The following CELA3B variants were observed in gnomAD, a reference collection of about 807,000 sequenced individuals.
CELA3B encodes the protein chymotrypsin like elastase 3B.
In CELA3B, 34 loss-of-function variants were observed where a neutral mutation model predicts 37.2. That is an observed-to-expected ratio of 0.91 (90% CI 0.70 to 1.22). CELA3B has a LOEUF of 1.22. Among genes scored for constraint, CELA3B ranks in the 50% most tolerant of loss-of-function variants. CELA3B has a pLI of 0.00. For missense variants in CELA3B, 340 were observed against 363.1 expected (o/e 0.94, Z 0.52); for synonymous variants, 127 against 143.5 (o/e 0.89, Z 0.82).
intron 7 of CELA3B, among the ~76,000 whole-genome samples, chr1:21,988,736 A>G (rs1456674191): frequency 2.6e-5 from 4 of 151,740 alleles, no homozygotes; most frequent in Non-Finnish European, 4.4e-5. Flanking sequence ...CTAAAAATAC[A>G]AAAATTAGCC....
chr1:21,978,272 C>T (rs1644782983), intron 1 of CELA3B, 97 bp from the exon 2 acceptor site: 1 of 1,368,026 alleles, frequency 7.3e-7, no homozygotes, highest in African/African-American at 1.4e-5. Context: ...CATGGGGTCA[C>T]ACAGCCACTT....
At chr1:21,983,597 G>A (rs1355590496) in intron 4 of CELA3B, 97 bp from the exon 5 acceptor site, 1 of 1,530,790 alleles carries the variant, frequency 6.5e-7, no homozygotes, top group East Asian at 2.3e-5. Context: ...GAAGGAGCTG[G>A]GGCATCTCAG....
At chr1:21,979,424 A>G (rs868045004) in intron 2 of CELA3B, among the ~76,000 whole-genome samples, 21 of 146,630 alleles carry the variant, frequency 1.4e-4, no homozygotes, top group Non-Finnish European at 3.0e-4. Context: ...AGTGCTTGCC[A>G]TATTTCTTTT....
chr1:21,978,987 C>T (rs889240913), intron 2 of CELA3B, among the ~76,000 whole-genome samples: 5 of 149,706 alleles, frequency 3.3e-5, no homozygotes, highest in Middle Eastern at 3.4e-3. Context: ...GTGGAGGTTG[C>T]AGTGAGATGA....
At position 21,979,053 on chromosome 1, in the gene CELA3B, A is replaced by AAG. The variant is rs111548907; in HGVS notation, c.129+600_129+601insGA. Among the ~76,000 whole-genome samples the AAG allele has an allele frequency of 5.8e-4, 87 of 150,912 alleles. 3 individuals are homozygous for AAG. Among genetic ancestry groups the AAG allele is most frequent in the African/African-American group, 2.0e-3 (84 of 41,156 alleles). ...ACAGAGTGAGACTCTGTCTCAAAAA[A>AAG]AAATTAAATTAAATTATTATGACTA... On this transcript the variant is annotated intron_variant, in intron 2 of 7. Coordinates refer to ENST00000337107, the MANE Select transcript of CELA3B (RefSeq NM_007352.4).
intron 7 of CELA3B, among the ~76,000 whole-genome samples, chr1:21,988,930 TAC>T (rs1402255362): frequency 2.3e-4 from 10 of 43,984 alleles, no homozygotes; most frequent in Non-Finnish European, 7.0e-5. Flanking sequence ...TTTGTTTATA[TAC>T]ATACATACAT....
chr1:21,989,292 G>A lies in CELA3B; in HGVS notation c.*13G>A, dbSNP rs371639062. ...AGCAAGCCACTAGAACCAAGGCCCA[G>A]CTGGCAGTGCTGATCGATCCCACAT... is the stretch of plus-strand genomic sequence containing the variant. On this transcript the variant is annotated 3_prime_UTR_variant, in exon 8 of 8. Transcript: ENST00000337107. 2.9e-5 allele frequency: 45 copies of A among 1,533,034 alleles called. No individual in the cohort carries two copies. In the African/African-American group the frequency reaches 5.9e-4, roughly 20 times the overall value. The allele number at this position is 1,533,034 out of a possible 1,614,324, so 95.0% of individuals were successfully genotyped here. A position where few individuals can be genotyped will look rare whatever the true frequency, so the allele number is the denominator to read the frequency against.
At chr1:21,978,528 C>A (rs1485304349) in intron 2 of CELA3B, 74 bp downstream of exon 2, 8 of 1,539,754 alleles carry the variant, frequency 5.2e-6, no homozygotes, top group Non-Finnish European at 7.2e-6. Flanking sequence ...CGGCATCCAG[C>A]CTTGACACCA....
intron 5 of CELA3B, 137 bp downstream of exon 5, chr1:21,983,967 C>G: frequency 6.9e-7 from 1 of 1,439,802 alleles, no homozygotes; most frequent in Non-Finnish European, 9.4e-7. Flanking sequence ...CTTCTCCCAC[C>G]AACCTCCAAA....
chr1:21,978,690 C>T (rs1489304218), intron 2 of CELA3B, among the ~76,000 whole-genome samples: 1 of 152,150 alleles, frequency 6.6e-6, no homozygotes, highest in Non-Finnish European at 1.5e-5. Context: ...AAATGCTAAA[C>T]TCAAGGAGTT....
intron 4 of CELA3B, among the ~76,000 whole-genome samples, chr1:21,981,976 C>T (rs10917094): frequency 0.87 from 131,514 of 151,934 alleles, 57,602 homozygotes; most frequent in Middle Eastern, 0.95. Flanking sequence ...CTGCCCGCCT[C>T]GGCCTCCCAA....
intron 4 of CELA3B, among the ~76,000 whole-genome samples, chr1:21,981,828 C>T (rs1471287784): frequency 1.3e-5 from 2 of 151,972 alleles, no homozygotes; most frequent in African/African-American, 4.8e-5. Context: ...CGGGTTCACA[C>T]CATTCTCCTG....
Position 21,978,413 on chromosome 1 carries a change from G to T in CELA3B, c.88G>T (p.Val30Phe). The T allele has an allele frequency of 6.2e-7, 1 of 1,614,084 alleles. No individual in the cohort carries two copies. Among genetic ancestry groups the T allele is most frequent in the Admixed American group, 1.7e-5 (1 of 60,016 alleles). The change falls in exon 2 of 8, where the codon GTC (valine) becomes TTC (phenylalanine). Residue 30 changes from valine to phenylalanine, a missense_variant. Physicochemically the swap from Val to Phe is conservative, Grantham distance 50. Coordinates refer to ENST00000337107, the MANE Select transcript of CELA3B (RefSeq NM_007352.4). ...TTCCTCTCGCCCTTCCAGCCGCGTT[G>T]TCAATGGTGAGGATGCGGTCCCCTA... ...PPSSRPSSRV[V>F]NGEDAVPYSW...
At chr1:21,990,920 C>T (rs1170726409), downstream of CELA3B, among the ~76,000 whole-genome samples, 1 of 73,552 alleles carries the variant, frequency 1.4e-5, no homozygotes, top group Non-Finnish European at 3.4e-5. Context: ...AAAAATTCAA[C>T]GGAATCTCTT....
rs544026144 is a variant in CELA3B, at chr1:21,980,678, G to A, written c.130-146G>A. On this transcript the variant is annotated intron_variant, in intron 2 of 7. Coordinates refer to ENST00000337107, the MANE Select transcript of CELA3B (RefSeq NM_007352.4). ...CGGGCAGCTGCCCAGGTCGCAGGTT[G>A]TATGCTGCATATTTCAGTGGGTGCT... The A allele has an allele frequency of 4.9e-5, 31 of 637,134 alleles. No homozygotes were observed. The South Asian group carries it at 5.1e-4, about 10-fold the overall frequency. The allele number at this position is 637,134 out of a possible 1,614,324, so 39.5% of individuals were successfully genotyped here.
intron 2 of CELA3B, among the ~76,000 whole-genome samples, 167 bp downstream of exon 2, chr1:21,978,621 T>C (rs536432045): frequency 6.6e-6 from 1 of 152,318 alleles, no homozygotes; most frequent in African/African-American, 2.4e-5. Flanking sequence ...GTTTTGCCCA[T>C]TCCGTCTGTA....
chr1:21,985,846 G>C (rs1020095217), intron 6 of CELA3B, among the ~76,000 whole-genome samples: 4 of 151,804 alleles, frequency 2.6e-5, no homozygotes, highest in South Asian at 4.2e-4. Flanking sequence ...AGCCGAGATC[G>C]CGCCCCTGCA....
At position 21,983,612 on chromosome 1, in the gene CELA3B, G is replaced by A. The variant is rs564632591; in HGVS notation, c.363-82G>A. On this transcript the variant is annotated intron_variant, in intron 4 of 7. Transcript: ENST00000337107. ...GAAGGAGCTGGGGCATCTCAGAGGC[G>A]GAATAGCCTGGAGCAACGGCTGGAA... 9.7e-5 allele frequency: 152 copies of A among 1,569,080 alleles called. 2 individuals carry two copies. The Middle Eastern group carries it at 1.1e-3, about 11-fold the overall frequency.
At chr1:21,992,873 G>A (rs1321349514), downstream of CELA3B, among the ~76,000 whole-genome samples, 7 of 150,110 alleles carry the variant, frequency 4.7e-5, no homozygotes, top group African/African-American at 1.7e-4. Context: ...GCAGAGGTGG[G>A]AAGATCACTT....
Sources: gnomAD v4.1 joint callset for allele counts (sites outside exome capture counted in the v4.1 genomes callset) on GRCh38, gnomAD v4.1.1 for gene constraint, MANE v1.5 for transcripts, NCBI Gene and HGNC (gene_info 2026-07-23, HGNC 2026-07-21) for gene names.